The following PALM2AKAP2 variants were observed in gnomAD, a reference collection of about 807,000 sequenced individuals.
PALM2AKAP2 encodes PALM2 and AKAP2 fusion.
PALM2AKAP2 carries 37 observed loss-of-function variants against 71.5 expected under a neutral mutation model. The ratio of observed to expected loss-of-function variants is 0.52; its 90% CI spans 0.40 to 0.68. The LOEUF is 0.68. Ranked by LOEUF, PALM2AKAP2 falls within the 30% of genes least tolerant of loss-of-function variation. The pLI is 0.00. For missense variants in PALM2AKAP2, 1,224 were observed against 1,191.8 expected (o/e 1.03, Z -0.40); for synonymous variants, 468 against 478.8 (o/e 0.98, Z 0.29).
chr9:110,016,972 C>T (rs966669604), intron 7 of PALM2AKAP2, among the ~76,000 whole-genome samples: 21 of 152,122 alleles, frequency 1.4e-4, no homozygotes, highest in South Asian at 2.1e-4. Context: ...CTCCGCCTCC[C>T]GGGTTCATGC....
chr9:109,970,439 C>T (rs1832044241), intron 6 of PALM2AKAP2, among the ~76,000 whole-genome samples: 1 of 152,202 alleles, frequency 6.6e-6, no homozygotes, highest in South Asian at 2.1e-4. Flanking sequence ...AGTCCTTCTT[C>T]ACCTCTAGAA....
intron 1 of PALM2AKAP2, among the ~76,000 whole-genome samples, chr9:109,702,754 A>AT (rs921563863): frequency 6.8e-5 from 10 of 147,808 alleles, no homozygotes; most frequent in East Asian, 5.9e-4. Flanking sequence ...TATAATAATA[A>AT]AAAAAAAAAA....
intron 1 of PALM2AKAP2, among the ~76,000 whole-genome samples, chr9:109,719,007 A>G (rs1436897845): frequency 6.6e-6 from 1 of 152,228 alleles, no homozygotes; most frequent in African/African-American, 2.4e-5. Context: ...GCAAGGAAAA[A>G]TATACTAACA....
intron 1 of PALM2AKAP2, among the ~76,000 whole-genome samples, chr9:109,695,021 A>T (rs1827950348): frequency 6.6e-6 from 1 of 152,164 alleles, no homozygotes; most frequent in Non-Finnish European, 1.5e-5. Flanking sequence ...TACTCCTTAT[A>T]CCACAATAAA....
chr9:110,161,118 G>A (rs187663578), intron 3 of PALM2AKAP2, among the ~76,000 whole-genome samples: 12 of 152,228 alleles, frequency 7.9e-5, no homozygotes, highest in Admixed American at 3.3e-4. Flanking sequence ...GTTCTCACTC[G>A]TACCCTAGTG....
intron 1 of PALM2AKAP2, among the ~76,000 whole-genome samples, chr9:110,118,223 A>AC (rs10670402): frequency 1.1e-4 from 17 of 150,892 alleles, no homozygotes; most frequent in African/African-American, 3.6e-4. Flanking sequence ...ACACACACAC[A>AC]AATTATATCC....
intron 1 of PALM2AKAP2, among the ~76,000 whole-genome samples, chr9:109,850,445 G>T (rs538623420): frequency 6.6e-6 from 1 of 151,972 alleles, no homozygotes; most frequent in African/African-American, 2.4e-5. Context: ...CCCCAACTTC[G>T]TCCCTTTTGA....
At chr9:109,643,020 AAAAG>A (rs916283678) in intron 1 of PALM2AKAP2, among the ~76,000 whole-genome samples, 9 of 151,696 alleles carry the variant, frequency 5.9e-5, no homozygotes, top group East Asian at 1.9e-4. Context: ...TCATCTCAAA[AAAAG>A]AAAGAAAGGA....
intron 1 of PALM2AKAP2, among the ~76,000 whole-genome samples, chr9:109,835,323 G>T (rs943179164): frequency 6.8e-6 from 1 of 146,872 alleles, no homozygotes. Context: ...TGGAGAGATG[G>T]AGAGGAGGGT....
intron 6 of PALM2AKAP2, among the ~76,000 whole-genome samples, chr9:110,009,267 T>A (rs1347121804): frequency 6.6e-6 from 1 of 152,148 alleles, no homozygotes; most frequent in East Asian, 1.9e-4. Context: ...AATTTTACTT[T>A]TACTTTTATT....
At chr9:109,931,877 TG>T in intron 5 of PALM2AKAP2, 49 bp from the exon 6 acceptor site, 2 of 1,596,112 alleles carry the variant, frequency 1.3e-6, no homozygotes, top group Non-Finnish European at 8.6e-7. Flanking sequence ...GTGAACCCAT[TG>T]GGCCTCCCAA....
intron 1 of PALM2AKAP2, among the ~76,000 whole-genome samples, chr9:109,699,907 C>T (rs1020811332): frequency 1.3e-5 from 2 of 152,020 alleles, no homozygotes; most frequent in Non-Finnish European, 2.9e-5. Context: ...TACTGAGTAG[C>T]TGGGACTACA....
chr9:109,735,595 A>AT (rs1428655725), intron 1 of PALM2AKAP2, among the ~76,000 whole-genome samples: 2 of 152,148 alleles, frequency 1.3e-5, no homozygotes, highest in Admixed American at 1.3e-4. Context: ...TCAAAAAATG[A>AT]TTTTTTGGCT....
At chr9:109,914,078 A>G (rs1252573025) in intron 3 of PALM2AKAP2, among the ~76,000 whole-genome samples, 1 of 152,156 alleles carries the variant, frequency 6.6e-6, no homozygotes, top group Non-Finnish European at 1.5e-5. Flanking sequence ...TCTCCCTTCA[A>G]TAAAAATCCA....
At chr9:109,695,275 G>A (rs1473133971) in intron 1 of PALM2AKAP2, among the ~76,000 whole-genome samples, 1 of 152,142 alleles carries the variant, frequency 6.6e-6, no homozygotes, top group African/African-American at 2.4e-5. Flanking sequence ...GAATGAAGAT[G>A]TCCCTTCTAT....
At chr9:110,063,388 A>C (rs913369980) in intron 1 of PALM2AKAP2, among the ~76,000 whole-genome samples, 3 of 151,022 alleles carry the variant, frequency 2.0e-5, no homozygotes, top group Non-Finnish European at 4.4e-5. Context: ...GTCTTCTCCC[A>C]GTGTCTTCAC....
chr9:109,991,989 G>A (rs1022976834), intron 6 of PALM2AKAP2, among the ~76,000 whole-genome samples: 3 of 152,230 alleles, frequency 2.0e-5, no homozygotes, highest in African/African-American at 7.2e-5. Context: ...AATGGGCTGT[G>A]TATTGGTTTC....
chr9:109,733,559 A>G (rs1043981700), intron 1 of PALM2AKAP2, among the ~76,000 whole-genome samples: 1 of 152,128 alleles, frequency 6.6e-6, no homozygotes, highest in Non-Finnish European at 1.5e-5. Flanking sequence ...TTCGTTTTCA[A>G]TCTGTGTGTA....
intron 1 of PALM2AKAP2, among the ~76,000 whole-genome samples, chr9:109,844,617 AAAGGTGT>A (rs1457865310): frequency 1.3e-5 from 2 of 152,238 alleles, no homozygotes; most frequent in Non-Finnish European, 2.9e-5. Flanking sequence ...TTCCAAAATA[AAAGGTGT>A]ATTTAAGAAA....
Sources: gnomAD v4.1 joint callset for allele counts (sites outside exome capture counted in the v4.1 genomes callset) on GRCh38, gnomAD v4.1.1 for gene constraint, MANE v1.5 for transcripts, NCBI Gene and HGNC (gene_info 2026-07-23, HGNC 2026-07-21) for gene names.